Variants in MGAT4C observed in about 807,000 individuals in gnomAD.
The protein encoded by MGAT4C is MGAT4 family member C, also known as alpha-1,3-mannosyl-glycoprotein 4-beta-N-acetylglucosaminyltransferase C.
In MGAT4C, 19 loss-of-function variants were observed where a neutral mutation model predicts 40.1. The observed-to-expected ratio is 0.47, with a 90% CI of 0.33 to 0.70. The LOEUF (loss-of-function observed/expected upper bound fraction) is 0.70. Ranked by LOEUF, MGAT4C falls within the 30% of genes least tolerant of loss-of-function variation. The probability of loss-of-function intolerance (pLI) is 0.02; values close to 1 mark genes in which losing one functional copy is unlikely to be tolerated. For synonymous variants in MGAT4C, 181 were observed against 187.1 expected, an observed-to-expected ratio of 0.97 and a Z score of 0.27; for missense variants, 491 against 563.2, an observed-to-expected ratio of 0.87 and a Z score of 1.30.
At chr12:86,156,904 T>G (rs1357439904) in intron 1 of MGAT4C, among the ~76,000 whole-genome samples, 1 of 152,072 alleles carries the variant, frequency 6.6e-6, no homozygotes, top group African/African-American at 2.4e-5. Flanking sequence ...ATAGCTTAAT[T>G]TTTTTTAAAT....
At chr12:86,110,296 CTCTCTATATATA>C (rs1877091684) in intron 1 of MGAT4C, among the ~76,000 whole-genome samples, 7 of 18,930 alleles carry the variant, frequency 3.7e-4, no homozygotes, top group Admixed American at 1.6e-3. Flanking sequence ...TATATATAGT[CTCTCTATATATA>C]TATATATATA....
At chr12:86,568,218 C>T (rs1341960063) in intron 2 of MGAT4C, among the ~76,000 whole-genome samples, 1 of 152,014 alleles carries the variant, frequency 6.6e-6, no homozygotes, top group African/African-American at 2.4e-5. Context: ...TGAGTGGGCA[C>T]CATCTAATAA....
chr12:86,354,317 T>C (rs1170156041), intron 3 of MGAT4C, among the ~76,000 whole-genome samples: 1 of 152,182 alleles, frequency 6.6e-6, no homozygotes, highest in Admixed American at 6.5e-5. Context: ...TATACAGTAA[T>C]ATTTTAAAAC....
In MGAT4C at chr12:86,050,228, A is replaced by G. The variant is rs577323066; in HGVS notation, c.-56-505T>C. On this transcript the variant is annotated intron_variant, in intron 1 of 4. Coordinates refer to ENST00000611864, the MANE Select transcript of MGAT4C (RefSeq NM_001351288.2). ...CACATATAAAAGGTTACAACATTCA[A>G]GAGATTGTTCCTGTTACAACAGTAT... Among the ~76,000 whole-genome samples the G allele has an allele frequency of 7.9e-5, 12 of 152,108 alleles. No homozygotes were observed. The South Asian group carries it at 2.3e-3, about 29-fold the overall frequency.
At chr12:86,000,884 C>T (rs936321913) in intron 2 of MGAT4C, among the ~76,000 whole-genome samples, 1 of 152,144 alleles carries the variant, frequency 6.6e-6, no homozygotes, top group African/African-American at 2.4e-5. Context: ...ACTATCATGC[C>T]AGAACCTGCA....
rs1454580892 is a variant in MGAT4C at position 86,185,613 on chromosome 12, CCAAATATCACTTAAA to C, written c.-57+70611_-57+70625del. Among the ~76,000 whole-genome samples, 3 of 152,244 alleles carry C rather than the reference CCAAATATCACTTAAA, an allele frequency of 2.0e-5. No individual in the cohort carries two copies. In the East Asian group the frequency reaches 5.8e-4, roughly 29 times the overall value. On this transcript the variant is annotated intron_variant, in intron 1 of 4. Coordinates refer to ENST00000611864, the MANE Select transcript of MGAT4C (RefSeq NM_001351288.2). ...TCTAATTGTGGATAGTCACTGATGACCAAATATCACTTAAACATATATGTGACATCTTTACTTTGA... is the reference window on the plus strand; with the variant it reads ...TCTAATTGTGGATAGTCACTGATGACCATATATGTGACATCTTTACTTTGA...
At chr12:86,707,187 G>C (rs757593308) in intron 2 of MGAT4C, among the ~76,000 whole-genome samples, 1 of 152,190 alleles carries the variant, frequency 6.6e-6, no homozygotes, top group Non-Finnish European at 1.5e-5. Flanking sequence ...CTGCTAAAAA[G>C]ATACCCAAAA....
chr12:86,307,291 A>G (rs1953956783), intron 4 of MGAT4C, among the ~76,000 whole-genome samples: 2 of 150,736 alleles, frequency 1.3e-5, no homozygotes, highest in South Asian at 4.1e-4. Flanking sequence ...CTTATTAACT[A>G]GCAGCATTGG....
intron 1 of MGAT4C, among the ~76,000 whole-genome samples, chr12:86,768,546 G>A (rs1372220024): frequency 2.0e-5 from 3 of 151,774 alleles, no homozygotes; most frequent in Admixed American, 6.6e-5. Context: ...CCAAAAAAGA[G>A]CCTGCATCGC....
intron 3 of MGAT4C, among the ~76,000 whole-genome samples, chr12:85,988,427 A>G (rs1295670953): frequency 1.3e-5 from 2 of 151,740 alleles, no homozygotes; most frequent in South Asian, 4.2e-4. Context: ...TTTTGGAAAT[A>G]CTCTCTCTCT....
At chr12:86,019,865 A>C (rs372771589) in intron 2 of MGAT4C, among the ~76,000 whole-genome samples, 1 of 151,944 alleles carries the variant, frequency 6.6e-6, no homozygotes, top group Admixed American at 6.6e-5. Context: ...CTTTTATTTC[A>C]TTGAGCAGTG....
At chr12:86,186,150 C>A (rs858213) in intron 1 of MGAT4C, among the ~76,000 whole-genome samples, 2 of 152,034 alleles carry the variant, frequency 1.3e-5, no homozygotes, top group African/African-American at 4.8e-5. Flanking sequence ...TAATCAGCCT[C>A]ACACTAGTGC....
At chr12:86,655,723 T>C (rs909025781) in intron 2 of MGAT4C, among the ~76,000 whole-genome samples, 1 of 152,134 alleles carries the variant, frequency 6.6e-6, no homozygotes, top group Non-Finnish European at 1.5e-5. Flanking sequence ...TCCCTCTGCA[T>C]TTAAAAAGAT....
intron 4 of MGAT4C, among the ~76,000 whole-genome samples, chr12:86,319,698 G>C (rs530008190): frequency 6.6e-6 from 1 of 152,078 alleles, no homozygotes; most frequent in African/African-American, 2.4e-5. Flanking sequence ...TTTTAAGTAA[G>C]TGAATGTATG....
chr12:86,257,215 C>T (rs1224499444), upstream of MGAT4C, among the ~76,000 whole-genome samples: 1 of 152,108 alleles, frequency 6.6e-6, no homozygotes, highest in Non-Finnish European at 1.5e-5. Flanking sequence ...TTGACAAAAG[C>T]CCCAGATTTC....
At chr12:86,766,282 T>C (rs980083704) in intron 1 of MGAT4C, among the ~76,000 whole-genome samples, 7 of 152,150 alleles carry the variant, frequency 4.6e-5, no homozygotes, top group African/African-American at 1.4e-4. Context: ...GGCCATTACA[T>C]AATGGTAAAG....
intron 3 of MGAT4C, among the ~76,000 whole-genome samples, chr12:86,349,891 T>A (rs1318926987): frequency 1.3e-5 from 2 of 152,106 alleles, no homozygotes; most frequent in Non-Finnish European, 2.9e-5. Flanking sequence ...ATCTAAAATG[T>A]AAATATAATT....
intron 2 of MGAT4C, among the ~76,000 whole-genome samples, chr12:86,503,929 C>G (rs1173338027): frequency 1.3e-5 from 2 of 149,498 alleles, no homozygotes; most frequent in Non-Finnish European, 3.0e-5. Flanking sequence ...ATATATTCAA[C>G]AAACAACTTA....
At chr12:86,666,702 T>C (rs1964115825) in intron 2 of MGAT4C, among the ~76,000 whole-genome samples, 1 of 152,178 alleles carries the variant, frequency 6.6e-6, no homozygotes. Flanking sequence ...AAGAATACCT[T>C]TGAGAAAAAG....
Sources: allele counts gnomAD v4.1 joint callset (sites outside exome capture counted in the v4.1 genomes callset), GRCh38; gene constraint gnomAD v4.1.1; transcripts MANE v1.5; gene names NCBI Gene and HGNC (gene_info 2026-07-23, HGNC 2026-07-21).